Variants in CAPN6 observed in about 807,000 individuals in gnomAD.
CAPN6 encodes calpain 6, also known as calpain-6.
Under a neutral mutation model 46.0 loss-of-function variants are expected in CAPN6, and 16 were observed. The ratio of observed to expected loss-of-function variants is 0.35; its 90% CI spans 0.24 to 0.53. The LOEUF is 0.53. Ranked by LOEUF, CAPN6 falls within the 20% of genes least tolerant of loss-of-function variation. CAPN6 has a pLI of 0.94. For synonymous variants in CAPN6, 206 were observed against 172.8 expected, an observed-to-expected ratio of 1.19 and a Z score of -1.51; for missense variants, 461 against 498.0, an observed-to-expected ratio of 0.93 and a Z score of 0.71.
intron 2 of CAPN6, among the ~76,000 whole-genome samples, chrX:111,260,408 A>G (rs1329104442): frequency 8.8e-6 from 1 of 113,130 alleles, no homozygotes; most frequent in Non-Finnish European, 1.9e-5. Flanking sequence ...GACAGAAAAT[A>G]TCAGGTTAAT....
At chrX:111,254,181 C>G (rs2094981895) in intron 3 of CAPN6, 91 bp downstream of exon 3, 3 of 1,011,122 alleles carry the variant, frequency 3.0e-6, no homozygotes, top group Non-Finnish European at 4.0e-6. Flanking sequence ...ATACAACAAT[C>G]TAAGGAAGTT....
chrX:111,246,606 T>A lies in CAPN6; in HGVS notation c.1897A>T (p.Ile633Phe). ...AGCTCAGTGAGATCATCGCTGGAAA[T>A]AACCTTGAAGCTGATGTGGCCTTGC... is the stretch of plus-strand genomic sequence containing the variant. The part of the protein sequence containing the change: ...VKQGHISFKV[I>F]SSDDLTEL Residue 633 changes from isoleucine to phenylalanine, a missense_variant, in exon 13 of 13, where the codon ATT (isoleucine) becomes TTT (phenylalanine). Ile to Phe is a conservative substitution (Grantham distance 21, BLOSUM62 0). Coordinates refer to ENST00000324068, the MANE Select transcript of CAPN6 (RefSeq NM_014289.4). The A allele has an allele frequency of 8.3e-7, 1 of 1,210,983 alleles. No individual in the cohort carries two copies. The highest frequency in any genetic ancestry group is 1.1e-6 in the Non-Finnish European group (1 of 895,100).
chrX:111,268,289 A>G (rs2094993483), intron 1 of CAPN6, among the ~76,000 whole-genome samples: 2 of 112,562 alleles, frequency 1.8e-5, no homozygotes, highest in Non-Finnish European at 3.8e-5. Flanking sequence ...GCAATTCAAA[A>G]TGATAAAAGG....
intron 2 of CAPN6, among the ~76,000 whole-genome samples, 188 bp downstream of exon 2, chrX:111,263,584 A>G (rs749129518): frequency 9.0e-6 from 1 of 111,563 alleles, no homozygotes; most frequent in Non-Finnish European, 1.9e-5. Flanking sequence ...CATCACATTG[A>G]ACACCATAAC....
chrX:111,252,459 T>C lies in CAPN6; in HGVS notation c.547A>G (p.Thr183Ala), dbSNP rs201944265. The change falls in exon 5 of 13, where the codon ACT becomes GCT. Residue 183 changes from threonine to alanine, a missense_variant. Thr to Ala is a moderately conservative substitution (Grantham distance 58, BLOSUM62 0). Transcript: ENST00000324068. ...CYEALDGLTI[T>A]DIIVDFTGTL... ...CCCGTGAAGTCCACAATAATATCAG[T>C]GATGGTCAAACCATCCAGGGCCTCA... The C allele has an allele frequency of 1.7e-6, 2 of 1,209,001 alleles. No individual in the cohort carries two copies. The highest frequency in any genetic ancestry group is 2.2e-6 in the Non-Finnish European group (2 of 894,747).
chrX:111,269,726 G>A (rs370957132), intron 1 of CAPN6, among the ~76,000 whole-genome samples: 1 of 111,865 alleles, frequency 8.9e-6, no homozygotes, highest in East Asian at 2.8e-4. Flanking sequence ...AATCAGAGGG[G>A]AACAAAGCCA....
chrX:111,260,210 C>T (rs17878561), intron 2 of CAPN6, among the ~76,000 whole-genome samples: 1,110 of 108,012 alleles, frequency 0.01, 20 homozygotes, highest in African/African-American at 0.036. Flanking sequence ...CCTTAAAACA[C>T]AGCAAAGAAG....
chrX:111,249,376 T>G (rs1200298995), intron 8 of CAPN6, among the ~76,000 whole-genome samples: 2 of 111,119 alleles, frequency 1.8e-5, no homozygotes, highest in African/African-American at 6.5e-5. Flanking sequence ...ATTGTTATTA[T>G]TATCCCTTTG....
At chrX:111,267,199 G>T (rs2094992645) in intron 1 of CAPN6, among the ~76,000 whole-genome samples, 1 of 111,491 alleles carries the variant, frequency 9.0e-6, no homozygotes, top group Non-Finnish European at 1.9e-5. Flanking sequence ...CCAGGGATTT[G>T]AATATAAACC....
At position 111,254,297 on chromosome X, in the gene CAPN6, G is replaced by C. The variant is rs1379448627; in HGVS notation, c.272C>G (p.Ala91Gly). Reference protein sequence around the residue: ...KPMVSAFSCLAVQESHWTKTI... With the variant: ...KPMVSAFSCLGVQESHWTKTI... ...CTTTGTCCAATGAGACTCCTGAACAGCCAAACAGGAAAATGCAGAAACCAT... is the reference window on the plus strand; with the variant it reads ...CTTTGTCCAATGAGACTCCTGAACACCCAAACAGGAAAATGCAGAAACCAT... The change falls in exon 3 of 13, where the codon GCT becomes GGT. Residue 91 changes from alanine to glycine, a missense_variant. Ala to Gly is a moderately conservative substitution (Grantham distance 60). Transcript: ENST00000324068. 8.3e-7 allele frequency: 1 copy of C among 1,208,265 alleles called. No homozygotes were observed. The highest frequency in any genetic ancestry group is 1.8e-5 in the South Asian group (1 of 56,600).
intron 12 of CAPN6, among the ~76,000 whole-genome samples, chrX:111,247,113 C>T (rs927589496): frequency 4.5e-5 from 5 of 111,451 alleles, no homozygotes; most frequent in East Asian, 2.8e-4. Flanking sequence ...TTTTATGATA[C>T]GTGTGTTAAC....
chrX:111,247,611 C>G (rs2094975618), intron 11 of CAPN6, 107 bp from the exon 12 acceptor site: 1 of 819,325 alleles, frequency 1.2e-6, no homozygotes, highest in South Asian at 2.7e-5. Context: ...GCATAGCACT[C>G]GAGCACCAGA....
rs888056380 is a variant in CAPN6, at chrX:111,246,029, A to AGTGGTG, written c.*542_*547dup. ...CTTTCCGGAGGTGATGATGGTGGTG[A>AGTGGTG]GTGGTGGTGGTGGTGGTGGTCGTGG... On this transcript the variant is annotated 3_prime_UTR_variant, in exon 13 of 13. Transcript: ENST00000324068. The AGTGGTG allele has an allele frequency of 8.8e-6, 1 of 113,085 alleles. No individual in the cohort carries two copies. The highest frequency in any genetic ancestry group is 1.9e-5 in the Non-Finnish European group (1 of 53,882). 9.3% of individuals were successfully genotyped at this position (113,085 alleles called of 1,213,427 possible).
chrX:111,268,613 G>T (rs1230319245), intron 1 of CAPN6, among the ~76,000 whole-genome samples: 1 of 112,354 alleles, frequency 8.9e-6, no homozygotes, highest in Non-Finnish European at 1.9e-5. Flanking sequence ...ACATTTAAAA[G>T]ACTAATATAA....
intron 2 of CAPN6, among the ~76,000 whole-genome samples, chrX:111,262,332 T>C (rs1206142519): frequency 8.9e-6 from 1 of 112,320 alleles, no homozygotes; most frequent in Non-Finnish European, 1.9e-5. Flanking sequence ...TTGAGTTGCA[T>C]AGTAAACAAG....
intron 1 of CAPN6, among the ~76,000 whole-genome samples, chrX:111,264,464 C>T (rs182474378): frequency 1.4e-4 from 16 of 111,713 alleles, no homozygotes; most frequent in Admixed American, 8.5e-4. Context: ...CAATTTCTTC[C>T]GTCTTGTCAT....
At chrX:111,268,369 C>A (rs2094993543) in intron 1 of CAPN6, among the ~76,000 whole-genome samples, 2 of 112,589 alleles carry the variant, frequency 1.8e-5, no homozygotes, top group South Asian at 7.4e-4. Context: ...ACATCTCAGT[C>A]CCTCAGTTTC....
chrX:111,266,642 C>T (rs2094992206), intron 1 of CAPN6, among the ~76,000 whole-genome samples: 1 of 112,452 alleles, frequency 8.9e-6, no homozygotes, highest in Admixed American at 9.4e-5. Context: ...ATGAGATTAT[C>T]TGTGCCCTTC....
rs2094975197 is a variant in CAPN6, at chrX:111,247,217, A to G, written c.1743+151T>C. The G allele has an allele frequency of 1.7e-5, 8 of 467,737 alleles. No individual in the cohort carries two copies. In the Admixed American group the frequency reaches 2.7e-4, roughly 16 times the overall value. 38.5% of individuals were successfully genotyped at this position (467,737 alleles called of 1,213,427 possible). A position where few individuals can be genotyped will look rare whatever the true frequency, so the allele number is the denominator to read the frequency against. ...GATGGTAATAAGGAAGTCAGTGTCC[A>G]TGCTTGATGAGAAGAGTTTTTGAGT... On this transcript the variant is annotated intron_variant, in intron 12 of 12. Transcript: ENST00000324068.
Sources: allele counts gnomAD v4.1 joint callset (sites outside exome capture counted in the v4.1 genomes callset), GRCh38; gene constraint gnomAD v4.1.1; transcripts MANE v1.5; gene names NCBI Gene and HGNC (gene_info 2026-07-23, HGNC 2026-07-21).